Variants in RBMS3 observed in about 807,000 individuals in gnomAD.
RBMS3 encodes RNA binding motif single stranded interacting protein 3.
In RBMS3, 27 loss-of-function variants were observed where a neutral mutation model predicts 66.8. The observed-to-expected ratio is 0.40, with a 90% confidence interval of 0.30 to 0.56. The LOEUF is 0.56. Among genes scored for constraint, RBMS3 ranks in the 20% least tolerant of loss-of-function variants. The pLI is 0.40. For synonymous variants in RBMS3, 188 were observed against 183.0 expected (o/e 1.03, Z -0.22); for missense variants, 513 against 549.5 (o/e 0.93, Z 0.66).
chr3:29,991,102 T>C lies in RBMS3; in HGVS notation c.1200T>C (p.Ser400=). 2.5e-6 allele frequency: 4 copies of C among 1,614,076 alleles called. No homozygotes were observed. Among genetic ancestry groups the C allele is most frequent in the Non-Finnish European group, 3.4e-6 (4 of 1,180,026 alleles). ...CTTAGGGTGTTGTTGCTGATACCTCTCCCCAGACAGTGGCACCTTCATCCC... is the reference window on the plus strand; with the variant it reads ...CTTAGGGTGTTGTTGCTGATACCTCCCCCCAGACAGTGGCACCTTCATCCC... ...VSIEGVVADT[S]PQTVAPSSQD... is the part of the protein sequence containing the mutation. Residue 400 remains serine, a synonymous_variant, in exon 14 of 15, where the codon TCT becomes TCC. Transcript: ENST00000383767.
At chr3:29,813,463 G>C (rs887182511) in intron 6 of RBMS3, among the ~76,000 whole-genome samples, 9 of 152,044 alleles carry the variant, frequency 5.9e-5, no homozygotes, top group African/African-American at 2.2e-4. Flanking sequence ...GGCGATGCGG[G>C]CTCTTTTTTG....
At chr3:29,983,919 T>C (rs1698184602) in intron 12 of RBMS3, among the ~76,000 whole-genome samples, 1 of 152,144 alleles carries the variant, frequency 6.6e-6, no homozygotes, top group South Asian at 2.1e-4. Context: ...GAGTATATTG[T>C]GGTGTTCTCT....
chr3:29,376,842 T>C (rs922960538), intron 1 of RBMS3, among the ~76,000 whole-genome samples: 2 of 148,722 alleles, frequency 1.3e-5, no homozygotes, highest in Non-Finnish European at 3.0e-5. Flanking sequence ...GAGGCGGAGG[T>C]TGCAGTGAGC....
chr3:29,916,368 A>T (rs1302492777), intron 10 of RBMS3, among the ~76,000 whole-genome samples: 2 of 151,992 alleles, frequency 1.3e-5, no homozygotes, highest in Non-Finnish European at 2.9e-5. Flanking sequence ...ATCTCCAGTG[A>T]ATATCCATTA....
intron 4 of RBMS3, among the ~76,000 whole-genome samples, chr3:29,674,064 T>C (rs942423642): frequency 1.3e-5 from 2 of 152,198 alleles, no homozygotes; most frequent in African/African-American, 2.4e-5. Flanking sequence ...CATGATCAAG[T>C]GGGCTTTATT....
intron 3 of RBMS3, among the ~76,000 whole-genome samples, chr3:29,553,443 T>C (rs1471681388): frequency 6.6e-6 from 1 of 152,138 alleles, no homozygotes; most frequent in Non-Finnish European, 1.5e-5. Context: ...GTTGTCCCAG[T>C]TTAGACAGAG....
intron 1 of RBMS3, among the ~76,000 whole-genome samples, chr3:29,429,988 T>G (rs1375947455): frequency 6.6e-6 from 1 of 152,134 alleles, no homozygotes; most frequent in East Asian, 1.9e-4. Flanking sequence ...AGTTTGGTCA[T>G]ATGTCTTTGG....
At chr3:29,798,544 C>A (rs1368148689) in intron 6 of RBMS3, among the ~76,000 whole-genome samples, 1 of 152,084 alleles carries the variant, frequency 6.6e-6, no homozygotes, top group Non-Finnish European at 1.5e-5. Context: ...TATTGGCAAA[C>A]AAACCAACAC....
intron 4 of RBMS3, among the ~76,000 whole-genome samples, chr3:29,704,090 C>G (rs1484828704): frequency 6.6e-6 from 1 of 152,170 alleles, no homozygotes; most frequent in African/African-American, 2.4e-5. Flanking sequence ...AAAACAAGCT[C>G]AGGGCTCCCA....
intron 6 of RBMS3, among the ~76,000 whole-genome samples, chr3:29,817,732 A>G (rs1307445647): frequency 6.6e-6 from 1 of 152,068 alleles, no homozygotes; most frequent in Admixed American, 6.6e-5. Context: ...TTATATTACT[A>G]GTGGAAACTT....
At chr3:29,740,659 G>A (rs999957955) in intron 5 of RBMS3, among the ~76,000 whole-genome samples, 8 of 152,140 alleles carry the variant, frequency 5.3e-5, no homozygotes, top group African/African-American at 1.9e-4. Context: ...CTATGGCTTG[G>A]TACATTTATG....
intron 10 of RBMS3, among the ~76,000 whole-genome samples, chr3:29,923,200 T>C (rs2060840050): frequency 6.6e-6 from 1 of 152,218 alleles, no homozygotes; most frequent in South Asian, 2.1e-4. Context: ...TGTTTGTTTT[T>C]CTTGCTGTTG....
chr3:29,460,435 A>AT (rs1192515341), intron 2 of RBMS3, among the ~76,000 whole-genome samples: 4 of 152,330 alleles, frequency 2.6e-5, no homozygotes, highest in African/African-American at 7.2e-5. Flanking sequence ...AGTAAAATGT[A>AT]TTTTTTAATG....
rs545627948 is a variant in RBMS3 at position 29,956,507 on chromosome 3, C to G, written c.1098+12253C>G. Among the ~76,000 whole-genome samples, 4 of 152,128 alleles carry G rather than the reference C, an allele frequency of 2.6e-5. No individual in the cohort carries two copies. The South Asian group carries it at 8.3e-4, about 32-fold the overall frequency. On this transcript the variant is annotated intron_variant, in intron 12 of 14. Transcript: ENST00000383767. ...TGGTATTAAAGCTCAAATTTTTGAT[C>G]TAAATAAGTCTTTAAGTAAGAACTC...
At chr3:29,617,891 G>A (rs1309349915) in intron 4 of RBMS3, among the ~76,000 whole-genome samples, 3 of 152,090 alleles carry the variant, frequency 2.0e-5, no homozygotes, top group South Asian at 2.1e-4. Context: ...ATGTCCCTGC[G>A]CTTATCGGAC....
In RBMS3 at chr3:29,444,227, G is replaced by T. The variant is rs1195856749; in HGVS notation, c.248+9312G>T. ...ACTGTTCTAAGTATTTTGCACGTGA[G>T]TACTTCATATTACATATGTTAACTC... On this transcript the variant is annotated intron_variant, in intron 2 of 14. Coordinates refer to ENST00000383767, the MANE Select transcript of RBMS3 (RefSeq NM_001003793.3). Among the ~76,000 whole-genome samples, 5 of 152,060 alleles carry T rather than the reference G, an allele frequency of 3.3e-5. No individual in the cohort carries two copies. The South Asian group carries it at 1.0e-3, about 32-fold the overall frequency.
At chr3:29,923,235 G>A (rs1417593558) in intron 10 of RBMS3, among the ~76,000 whole-genome samples, 1 of 152,234 alleles carries the variant, frequency 6.6e-6, no homozygotes, top group African/African-American at 2.4e-5. Context: ...TGAAGTCACA[G>A]GAATGGAATG....
chr3:29,344,076 A>G (rs1248195139), intron 1 of RBMS3, among the ~76,000 whole-genome samples: 4 of 152,152 alleles, frequency 2.6e-5, no homozygotes, highest in Non-Finnish European at 2.9e-5. Context: ...ATTATTGCCT[A>G]TATTGACCCC....
At chr3:29,285,272 G>A (rs1464569585) in intron 1 of RBMS3, among the ~76,000 whole-genome samples, 7 of 134,236 alleles carry the variant, frequency 5.2e-5, no homozygotes, top group Admixed American at 3.1e-4. Context: ...GTAGGTGGGG[G>A]TGGATGGGGG....
Sources: allele counts gnomAD v4.1 joint callset (sites outside exome capture counted in the v4.1 genomes callset), GRCh38; gene constraint gnomAD v4.1.1; transcripts MANE v1.5; gene names NCBI Gene and HGNC (gene_info 2026-07-23, HGNC 2026-07-21).